The following PPFIA2 variants were observed in gnomAD, a reference collection of about 807,000 sequenced individuals.
PPFIA2 encodes the protein PPFI scaffold protein A2, also known as liprin-alpha-2.
In PPFIA2, 46 loss-of-function variants were observed where a neutral mutation model predicts 175.5. That is an observed-to-expected ratio of 0.26 (90% CI 0.21 to 0.34). The LOEUF (loss-of-function observed/expected upper bound fraction) is 0.34. PPFIA2 is among the 10% of genes least tolerant of loss of function. The pLI is 1.00. For missense variants in PPFIA2, 1,179 were observed against 1,506.1 expected (o/e 0.78, Z 3.60); for synonymous variants, 568 against 511.4 (o/e 1.11, Z -1.49).
rs1422788699 is a variant in PPFIA2 at position 81,758,454 on chromosome 12, G to A, written c.-57C>T. 2.2e-6 allele frequency: 1 copy of A among 456,500 alleles called. No homozygotes were observed. The highest frequency in any genetic ancestry group is 4.4e-6 in the Non-Finnish European group (1 of 226,786). The allele number at this position is 456,500 out of a possible 1,614,324, so 28.3% of individuals were successfully genotyped here. On this transcript the variant is annotated 5_prime_UTR_variant, in exon 2 of 33. Coordinates refer to ENST00000549396, the MANE Select transcript of PPFIA2 (RefSeq NM_003625.5). The stretch of plus-strand genomic sequence containing the variant: ...CTTCAATTGATCAATGACAACCGCA[G>A]TCTCCGGCTTGAGGAGAAGGGAGGC...
At chr12:81,726,172 T>A (rs2080047468) in intron 3 of PPFIA2, among the ~76,000 whole-genome samples, 1 of 151,190 alleles carries the variant, frequency 6.6e-6, no homozygotes, top group Non-Finnish European at 1.5e-5. Context: ...AAATAATGTA[T>A]TTTTCTACTA....
chr12:81,447,497 A>C (rs2051514513), intron 5 of PPFIA2, among the ~76,000 whole-genome samples: 1 of 152,090 alleles, frequency 6.6e-6, no homozygotes, highest in Non-Finnish European at 1.5e-5. Context: ...CTCATTCTTT[A>C]AGTCTCAGCT....
At chr12:81,443,540 T>G (rs1300696434) in intron 6 of PPFIA2, among the ~76,000 whole-genome samples, 1 of 151,894 alleles carries the variant, frequency 6.6e-6, no homozygotes, top group Non-Finnish European at 1.5e-5. Context: ...ATTTTTTTCT[T>G]AAATGTACTC....
chr12:81,445,825 T>A, intron 5 of PPFIA2, 105 bp from the exon 6 acceptor site: 1 of 1,107,842 alleles, frequency 9.0e-7, no homozygotes. Flanking sequence ...GTATCTAATG[T>A]TAGCTGCAGG....
At chr12:81,576,892 T>G (rs1348755045) in intron 4 of PPFIA2, among the ~76,000 whole-genome samples, 2 of 151,854 alleles carry the variant, frequency 1.3e-5, no homozygotes, top group Admixed American at 1.3e-4. Flanking sequence ...TTTCAAATGC[T>G]GTTAATCCAT....
At chr12:81,656,952 A>G (rs886397844) in intron 4 of PPFIA2, among the ~76,000 whole-genome samples, 7 of 152,154 alleles carry the variant, frequency 4.6e-5, no homozygotes, top group Non-Finnish European at 7.4e-5. Context: ...GTAAGTAATA[A>G]TTCTGCAGAA....
At chr12:81,494,314 A>G (rs1661118239) in intron 4 of PPFIA2, among the ~76,000 whole-genome samples, 1 of 152,156 alleles carries the variant, frequency 6.6e-6, no homozygotes, top group African/African-American at 2.4e-5. Context: ...AAAAGAAGAC[A>G]TTTATGCAGT....
chr12:81,730,411 A>G (rs1048745785), intron 3 of PPFIA2, among the ~76,000 whole-genome samples: 4 of 151,560 alleles, frequency 2.6e-5, no homozygotes, highest in African/African-American at 9.7e-5. Context: ...GGAAGGCAAA[A>G]GAGAAGCAGG....
intron 8 of PPFIA2, among the ~76,000 whole-genome samples, chr12:81,386,501 A>G (rs993390025): frequency 6.6e-6 from 1 of 151,842 alleles, no homozygotes; most frequent in African/African-American, 2.4e-5. Flanking sequence ...ACGCACCCAT[A>G]GTCCCAGCAA....
chr12:81,490,962 C>T (rs1040003158), intron 4 of PPFIA2, among the ~76,000 whole-genome samples: 2 of 151,952 alleles, frequency 1.3e-5, no homozygotes, highest in African/African-American at 4.8e-5. Context: ...TTACTTTTGG[C>T]CTTATCTTCT....
chr12:81,601,263 T>C (rs2059762896), intron 4 of PPFIA2, among the ~76,000 whole-genome samples: 1 of 151,972 alleles, frequency 6.6e-6, no homozygotes, highest in South Asian at 2.1e-4. Context: ...CAGAACATTT[T>C]TTCCTATGAT....
Position 81,686,771 on chromosome 12 carries a change from C to A in PPFIA2, c.250-9927G>T, listed in dbSNP as rs1224861044. Among the ~76,000 whole-genome samples, 3 of 152,042 alleles carry A rather than the reference C, an allele frequency of 2.0e-5. No individual in the cohort carries two copies. The East Asian group carries it at 5.8e-4, about 29-fold the overall frequency. On this transcript the variant is annotated intron_variant, in intron 3 of 32. Transcript: ENST00000549396. ...CTTACTCTGGTATGCATATTCCAAT[C>A]CAGTCTAGTTTTCCTTGTAAATATC... is the stretch of plus-strand genomic sequence containing the variant.
intron 4 of PPFIA2, among the ~76,000 whole-genome samples, chr12:81,529,748 A>G (rs57609318): frequency 0.11 from 16,374 of 152,004 alleles, 1,003 homozygotes; most frequent in Middle Eastern, 0.15. Flanking sequence ...TGCATGGTCC[A>G]GGTGCTAAAT....
intron 4 of PPFIA2, among the ~76,000 whole-genome samples, chr12:81,610,714 C>G (rs11114934): frequency 0.061 from 9,260 of 152,184 alleles, 404 homozygotes; most frequent in East Asian, 0.22. Context: ...ATTCTGAATT[C>G]TATGTTTGTC....
intron 4 of PPFIA2, among the ~76,000 whole-genome samples, chr12:81,601,494 A>C (rs955746641): frequency 2.0e-5 from 3 of 151,964 alleles, no homozygotes; most frequent in African/African-American, 7.2e-5. Flanking sequence ...GAGTTGCTGG[A>C]GGATGGAAAA....
In PPFIA2 at chr12:81,284,319, AGAGGGAAGCAGAGGAATCCATGG is replaced by A; in HGVS notation, c.2926-39_2926-17del. 1 of 1,534,586 alleles carries A rather than the reference AGAGGGAAGCAGAGGAATCCATGG, an allele frequency of 6.5e-7. No homozygotes were observed. Among genetic ancestry groups the A allele is most frequent in the Non-Finnish European group, 9.0e-7 (1 of 1,114,440 alleles). ...TGCCTGAAGGCTAGTGAGGAGGCCC[AGAGGGAAGCAGAGGAATCCATGG>A]GAGGCAAGCAGTGGTAAAGAAGAAA... is the stretch of plus-strand genomic sequence containing the variant. On this transcript the variant is annotated splice_polypyrimidine_tract_variant and intron_variant, in intron 24 of 32. Coordinates refer to ENST00000549396, the MANE Select transcript of PPFIA2 (RefSeq NM_003625.5).
intron 4 of PPFIA2, among the ~76,000 whole-genome samples, chr12:81,459,324 A>G (rs2054123943): frequency 6.6e-6 from 1 of 152,194 alleles, no homozygotes; most frequent in Non-Finnish European, 1.5e-5. Flanking sequence ...TATACAGCAT[A>G]GTTTTGATAG....
chr12:81,358,344 C>T (rs151125661), intron 15 of PPFIA2, 127 bp from the exon 16 acceptor site: 369 of 930,090 alleles, frequency 4.0e-4, no homozygotes, highest in Admixed American at 2.7e-3. Context: ...GAAAGATAAC[C>T]GATAAATTGT....
chr12:81,664,710 T>A (rs1195493584), intron 4 of PPFIA2, among the ~76,000 whole-genome samples: 1 of 152,100 alleles, frequency 6.6e-6, no homozygotes, highest in East Asian at 1.9e-4. Flanking sequence ...GGATTATAAA[T>A]CATGCTGCTA....
Sources: gnomAD v4.1 joint callset for allele counts (sites outside exome capture counted in the v4.1 genomes callset) on GRCh38, gnomAD v4.1.1 for gene constraint, MANE v1.5 for transcripts, NCBI Gene and HGNC (gene_info 2026-07-23, HGNC 2026-07-21) for gene names.